Variants in TSPAN18 observed in about 807,000 individuals in gnomAD.
TSPAN18 encodes the protein tetraspanin-18.
TSPAN18 carries 14 observed loss-of-function variants against 27.3 expected under a neutral mutation model. The ratio of observed to expected loss-of-function variants is 0.51; its 90% confidence interval spans 0.34 to 0.80. The LOEUF is 0.80. Among genes scored for constraint, TSPAN18 ranks in the 30% least tolerant of loss-of-function variants. The pLI is 0.01. For missense variants in TSPAN18, 268 were observed against 323.9 expected, an observed-to-expected ratio of 0.83 and a Z score of 1.32; for synonymous variants, 143 against 136.5, an observed-to-expected ratio of 1.05 and a Z score of -0.33.
intron 3 of TSPAN18, among the ~76,000 whole-genome samples, chr11:44,878,867 C>T (rs887121217): frequency 4.0e-5 from 6 of 150,570 alleles, no homozygotes; most frequent in African/African-American, 9.7e-5. Flanking sequence ...ATTGCCTCTG[C>T]GGGAACTGAG....
intron 2 of TSPAN18, among the ~76,000 whole-genome samples, chr11:44,860,050 AG>A (rs1251137875): frequency 2.6e-5 from 4 of 152,206 alleles, no homozygotes; most frequent in Admixed American, 6.5e-5. Flanking sequence ...CCCTTCTGCA[AG>A]GGGCACTGTG....
intron 3 of TSPAN18, among the ~76,000 whole-genome samples, chr11:44,900,680 CTTTTTTTTTTTTTTTTTTTTTTT>C (rs72469181): frequency 1.4e-4 from 7 of 49,702 alleles, no homozygotes; most frequent in Non-Finnish European, 2.0e-4. Flanking sequence ...TTGAGGAAGG[CTTTTTTTTTTTTTTTTTTTTTTT>C]TTTTTTTTGA....
intron 2 of TSPAN18, among the ~76,000 whole-genome samples, chr11:44,836,444 A>G (rs550380411): frequency 4.8e-4 from 73 of 152,386 alleles, no homozygotes; most frequent in African/African-American, 1.7e-3. Context: ...AGGCTGGTTC[A>G]TGAGGTTTAA....
At chr11:44,871,315 CAGAG>C (rs2135238479) in intron 3 of TSPAN18, among the ~76,000 whole-genome samples, 1 of 152,206 alleles carries the variant, frequency 6.6e-6, no homozygotes, top group East Asian at 1.9e-4. Flanking sequence ...CTTCATGTGG[CAGAG>C]AAAGAGGAAG....
chr11:44,824,689 G>A (rs150609102), intron 2 of TSPAN18, among the ~76,000 whole-genome samples: 9 of 152,322 alleles, frequency 5.9e-5, no homozygotes, highest in East Asian at 1.9e-4. Context: ...CATCCCAGCC[G>A]CGGAGGCCTT....
intron 2 of TSPAN18, among the ~76,000 whole-genome samples, chr11:44,780,157 A>G (rs532626073): frequency 2.0e-5 from 3 of 151,958 alleles, no homozygotes; most frequent in South Asian, 4.2e-4. Flanking sequence ...CTTCAGATTC[A>G]TTCACTTCAA....
At chr11:44,830,764 A>G (rs1304874569) in intron 2 of TSPAN18, among the ~76,000 whole-genome samples, 3 of 152,202 alleles carry the variant, frequency 2.0e-5, no homozygotes, top group African/African-American at 7.2e-5. Flanking sequence ...GATCTGGAAG[A>G]TACCAGAGAG....
intron 2 of TSPAN18, among the ~76,000 whole-genome samples, chr11:44,849,487 G>T (rs1052512108): frequency 4.6e-5 from 7 of 152,214 alleles, no homozygotes. Flanking sequence ...AGGCAAGGGG[G>T]CTGGACTGTT....
intron 2 of TSPAN18, among the ~76,000 whole-genome samples, chr11:44,781,929 A>G (rs1022580918): frequency 1.3e-4 from 20 of 152,134 alleles, no homozygotes. Context: ...CTTGCTATAA[A>G]TGGAATCCTA....
intron 2 of TSPAN18, among the ~76,000 whole-genome samples, chr11:44,834,989 G>A (rs1857235046): frequency 6.6e-6 from 1 of 152,208 alleles, no homozygotes; most frequent in Non-Finnish European, 1.5e-5. Context: ...AACTTGAGAG[G>A]AGAGAACTGA....
chr11:44,838,218 T>C (rs898588290), intron 2 of TSPAN18, among the ~76,000 whole-genome samples: 3 of 152,192 alleles, frequency 2.0e-5, no homozygotes, highest in African/African-American at 7.2e-5. Flanking sequence ...TCCACATGGC[T>C]GGGGAGGCCT....
rs756344904 is a variant in TSPAN18 at position 44,929,180 on chromosome 11, G to T, written c.*2G>T. 4 of 1,613,466 alleles carry T rather than the reference G, an allele frequency of 2.5e-6. No individual in the cohort carries two copies. Among genetic ancestry groups the T allele is most frequent in the Non-Finnish European group, 3.4e-6 (4 of 1,180,028 alleles). ...TGCCTCTTCCGGGGCATCCAGTAGAGGGTATGGCCTGAAGCCTGAAGACTC... is the reference window on the plus strand; with the variant it reads ...TGCCTCTTCCGGGGCATCCAGTAGATGGTATGGCCTGAAGCCTGAAGACTC... On this transcript the variant is annotated 3_prime_UTR_variant, in exon 10 of 10. Coordinates refer to ENST00000520358, the MANE Select transcript of TSPAN18 (RefSeq NM_130783.5).
intron 2 of TSPAN18, among the ~76,000 whole-genome samples, chr11:44,800,016 T>A (rs866069253): frequency 6.7e-6 from 1 of 148,518 alleles, no homozygotes; most frequent in African/African-American, 2.5e-5. Context: ...GTTTTTTTTT[T>A]TTTTTTTTTT....
At chr11:44,858,253 G>A (rs1857787258) in intron 2 of TSPAN18, among the ~76,000 whole-genome samples, 1 of 152,156 alleles carries the variant, frequency 6.6e-6, no homozygotes, top group Non-Finnish European at 1.5e-5. Flanking sequence ...CCACGCCTAT[G>A]CTCACCCTGG....
intron 3 of TSPAN18, among the ~76,000 whole-genome samples, chr11:44,887,705 C>T (rs1033560918): frequency 1.4e-4 from 22 of 152,140 alleles, no homozygotes; most frequent in Non-Finnish European, 7.4e-5. Flanking sequence ...CCAAATACCA[C>T]CTGCTTTATC....
chr11:44,734,283 G>A (rs73464456), intron 1 of TSPAN18, among the ~76,000 whole-genome samples: 2,113 of 152,218 alleles, frequency 0.014, 53 homozygotes, highest in African/African-American at 0.048. Context: ...CAACACACAC[G>A]GACTAAGATG....
intron 2 of TSPAN18, among the ~76,000 whole-genome samples, chr11:44,794,735 G>A (rs1856309258): frequency 6.6e-6 from 1 of 151,922 alleles, no homozygotes; most frequent in Non-Finnish European, 1.5e-5. Context: ...GGTCCTATCA[G>A]CAGCTGGGGT....
chr11:44,893,814 G>A (rs557643458), intron 3 of TSPAN18, among the ~76,000 whole-genome samples: 1 of 152,254 alleles, frequency 6.6e-6, no homozygotes, highest in Admixed American at 6.5e-5. Flanking sequence ...TTAATATCAG[G>A]CCTTAGTAAA....
intron 3 of TSPAN18, among the ~76,000 whole-genome samples, chr11:44,882,500 C>G (rs893990380): frequency 3.9e-5 from 6 of 151,918 alleles, no homozygotes; most frequent in Non-Finnish European, 7.4e-5. Flanking sequence ...TGCCCAGGCT[C>G]CCGGGTGCGG....
Sources: gnomAD v4.1 joint callset for allele counts (sites outside exome capture counted in the v4.1 genomes callset) on GRCh38, gnomAD v4.1.1 for gene constraint, MANE v1.5 for transcripts, NCBI Gene and HGNC (gene_info 2026-07-23, HGNC 2026-07-21) for gene names.